Variants in GAB1 observed in about 807,000 individuals in gnomAD.
GAB1 encodes the protein GRB2 associated binding protein 1.
GAB1 carries 19 observed loss-of-function variants against 66.5 expected under a neutral mutation model. That is an observed-to-expected ratio of 0.29 (90% CI 0.20 to 0.42). The LOEUF is 0.42. Ranked by LOEUF, GAB1 falls within the 10% of genes least tolerant of loss-of-function variation. The pLI is 1.00. For missense variants in GAB1, 732 were observed against 858.5 expected, an observed-to-expected ratio of 0.85 and a Z score of 1.84; for synonymous variants, 294 against 301.4, an observed-to-expected ratio of 0.98 and a Z score of 0.25.
chr4:143,433,709 C>T lies in GAB1; in HGVS notation c.586C>T (p.Pro196Ser), dbSNP rs779243361. Residue 196 changes from proline to serine, a missense_variant, in exon 3 of 10, where the codon CCC (proline) becomes TCC (serine). Physicochemically the swap from Pro to Ser is moderately conservative, Grantham distance 74. Coordinates refer to ENST00000262994, the MANE Select transcript of GAB1 (RefSeq NM_002039.4). ...CAACTGTCAAAGCAAGAAGCCCGAA[C>T]CCACCAGGTAAATTATATATGCCCA... The part of the protein sequence containing the change: ...LINCQSKKPE[P>S]TRTHADSAKS... The T allele has an allele frequency of 1.2e-6, 2 of 1,612,530 alleles. No homozygotes were observed. Among genetic ancestry groups the T allele is most frequent in the South Asian group, 2.2e-5 (2 of 91,032 alleles).
intron 2 of GAB1, among the ~76,000 whole-genome samples, chr4:143,421,698 C>CTTTTTTTTTTTTTTTTT (rs70953733): frequency 2.4e-4 from 29 of 118,682 alleles, no homozygotes; most frequent in African/African-American, 4.2e-4. Context: ...CTTTTCTTTT[C>CTTTTTTTTTTTTTTTTT]TTTTTTTTTT....
At chr4:143,435,080 A>G (rs1019648279) in intron 3 of GAB1, among the ~76,000 whole-genome samples, 2 of 152,300 alleles carry the variant, frequency 1.3e-5, no homozygotes, top group African/African-American at 2.4e-5. Flanking sequence ...GCATTATTTT[A>G]TGACAGATTT....
At chr4:143,444,586 C>G (rs1243643445) in intron 6 of GAB1, among the ~76,000 whole-genome samples, 1 of 152,052 alleles carries the variant, frequency 6.6e-6, no homozygotes, top group Non-Finnish European at 1.5e-5. Context: ...AATTAACATG[C>G]ACTTTTTAAA....
intron 3 of GAB1, among the ~76,000 whole-genome samples, chr4:143,437,063 T>G (rs1203185454): frequency 6.6e-6 from 1 of 152,146 alleles, no homozygotes; most frequent in Non-Finnish European, 1.5e-5. Context: ...TGTGGCACAA[T>G]GTGGGTTTTC....
At chr4:143,442,266 G>A (rs569337206) in intron 6 of GAB1, among the ~76,000 whole-genome samples, 1 of 152,092 alleles carries the variant, frequency 6.6e-6, no homozygotes, top group East Asian at 1.9e-4. Flanking sequence ...CATGTTAGTG[G>A]CAGATCTCTA....
intron 6 of GAB1, chr4:143,457,770 G>T (rs761102417): frequency 1.3e-6 from 2 of 1,523,916 alleles, no homozygotes; most frequent in Non-Finnish European, 1.8e-6. Flanking sequence ...AGAAGAAAGG[G>T]TATGTACTTT....
intron 1 of GAB1, among the ~76,000 whole-genome samples, chr4:143,405,196 TACACACAC>T (rs375909807): frequency 6.6e-6 from 1 of 152,126 alleles, no homozygotes; most frequent in Non-Finnish European, 1.5e-5. Flanking sequence ...GGGAAGTCAT[TACACACAC>T]ACATACACAC....
Position 143,469,806 on chromosome 4 carries a change from T to C in GAB1, c.*617T>C, listed in dbSNP as rs891693487. 6 of 152,694 alleles carry C rather than the reference T, an allele frequency of 3.9e-5. No individual in the cohort carries two copies. Among genetic ancestry groups the C allele is most frequent in the Non-Finnish European group, 7.3e-5 (5 of 68,096 alleles). The allele number at this position is 152,694 out of a possible 1,614,324, so 9.5% of individuals were successfully genotyped here. A position where few individuals can be genotyped will look rare whatever the true frequency, so the allele number is the denominator to read the frequency against. ...TTTAGTTTTTAATGGTGGAACTTTG[T>C]TATATTTTGTTAATTACAGTGTTTT... On this transcript the variant is annotated 3_prime_UTR_variant, in exon 10 of 10. Coordinates refer to ENST00000262994, the MANE Select transcript of GAB1 (RefSeq NM_002039.4).
At chr4:143,466,070 C>G in intron 8 of GAB1, 33 bp from the exon 9 acceptor site, 1 of 1,609,940 alleles carries the variant, frequency 6.2e-7, no homozygotes. Context: ...TGGTGAATGT[C>G]TGACCGTTGA....
rs1024523487 is a variant in GAB1, at chr4:143,425,595, G to A, written c.368-7896G>A. 3.5e-5 allele frequency: 27 copies of A among 762,668 alleles called. 1 individual carries two copies. The highest frequency in any genetic ancestry group is 5.4e-5 in the South Asian group (4 of 74,538). 47.2% of individuals were successfully genotyped at this position (762,668 alleles called of 1,614,324 possible). A position where few individuals can be genotyped will look rare whatever the true frequency, so the allele number is the denominator to read the frequency against. On this transcript the variant is annotated intron_variant, in intron 2 of 9. Transcript: ENST00000262994. ...GATGCTGGCTCGGGAAGTTCTGCGC[G>A]TGCGTGGCACCATTTCCCGTGAACA...
intron 1 of GAB1, among the ~76,000 whole-genome samples, chr4:143,372,761 G>A (rs1560725119): frequency 6.6e-6 from 1 of 152,280 alleles, no homozygotes; most frequent in East Asian, 1.9e-4. Flanking sequence ...CCCCATGATA[G>A]CCTTGTAAAC....
At position 143,367,045 on chromosome 4, in the gene GAB1, C is replaced by T. The variant is rs576217483; in HGVS notation, c.72+29785C>T. Among the ~76,000 whole-genome samples the T allele has an allele frequency of 4.6e-5, 7 of 152,212 alleles. No individual in the cohort carries two copies. In the East Asian group the frequency reaches 1.4e-3, roughly 29 times the overall value. ...TATTTTGTCCAGGCCACAGTTTTAGCTTGTGCTTTTTGTTACTTGTATAAT... is the reference window on the plus strand; with the variant it reads ...TATTTTGTCCAGGCCACAGTTTTAGTTTGTGCTTTTTGTTACTTGTATAAT... On this transcript the variant is annotated intron_variant, in intron 1 of 9. Coordinates refer to ENST00000262994, the MANE Select transcript of GAB1 (RefSeq NM_002039.4).
chr4:143,384,597 C>T (rs546091840), intron 1 of GAB1, among the ~76,000 whole-genome samples: 2 of 152,318 alleles, frequency 1.3e-5, no homozygotes, highest in South Asian at 2.1e-4. Flanking sequence ...ATGCTACACC[C>T]GACAGACTAG....
chr4:143,453,653 T>C (rs756814912), intron 6 of GAB1, among the ~76,000 whole-genome samples: 24 of 152,178 alleles, frequency 1.6e-4, no homozygotes, highest in Admixed American at 2.0e-4. Context: ...GAGAACTTAC[T>C]GTATACAAAA....
intron 3 of GAB1, 54 bp downstream of exon 3, chr4:143,433,770 C>A: frequency 7.3e-7 from 1 of 1,363,502 alleles, no homozygotes; most frequent in Non-Finnish European, 1.0e-6. Flanking sequence ...TATGTGTGTA[C>A]ACACTGAGAT....
At chr4:143,347,729 A>G (rs1383636809) in intron 1 of GAB1, among the ~76,000 whole-genome samples, 2 of 152,256 alleles carry the variant, frequency 1.3e-5, no homozygotes, top group East Asian at 3.8e-4. Flanking sequence ...ACATTCTGGT[A>G]GAAGAATCCA....
intron 6 of GAB1, among the ~76,000 whole-genome samples, chr4:143,445,686 A>G (rs1734473317): frequency 1.3e-5 from 2 of 152,032 alleles, no homozygotes; most frequent in Non-Finnish European, 2.9e-5. Flanking sequence ...TCAGGAGGAG[A>G]CATTGGATTT....
intron 1 of GAB1, among the ~76,000 whole-genome samples, chr4:143,410,846 TTGAC>T (rs1320253877): frequency 1.3e-5 from 2 of 152,128 alleles, no homozygotes; most frequent in African/African-American, 4.8e-5. Flanking sequence ...TTAGCAGACA[TTGAC>T]TGAGCACCTC....
intron 2 of GAB1, among the ~76,000 whole-genome samples, chr4:143,423,418 C>T (rs1733127633): frequency 6.6e-6 from 1 of 152,096 alleles, no homozygotes; most frequent in South Asian, 2.1e-4. Flanking sequence ...AAGTCTTCAG[C>T]TGGGCACGGT....
Sources: allele counts gnomAD v4.1 joint callset (sites outside exome capture counted in the v4.1 genomes callset), GRCh38; gene constraint gnomAD v4.1.1; transcripts MANE v1.5; gene names NCBI Gene and HGNC (gene_info 2026-07-23, HGNC 2026-07-21).